The following PLCL1 variants were observed in gnomAD, a reference collection of about 807,000 sequenced individuals.
PLCL1 encodes phospholipase C like 1 (inactive).
PLCL1 carries 41 observed loss-of-function variants against 84.4 expected under a neutral mutation model. The ratio of observed to expected loss-of-function variants is 0.49; its 90% CI spans 0.38 to 0.63. PLCL1 has a LOEUF of 0.63. Among genes scored for constraint, PLCL1 ranks in the 30% least tolerant of loss-of-function variants. The pLI is 0.00. For synonymous variants in PLCL1, 490 were observed against 488.3 expected (o/e 1.00, Z -0.05); for missense variants, 1,206 against 1,367.8 (o/e 0.88, Z 1.87).
rs367585932 is a variant in PLCL1 at position 198,047,062 on chromosome 2, A to G, written c.241-36696A>G. Among the ~76,000 whole-genome samples, 53 of 152,276 alleles carry G rather than the reference A, an allele frequency of 3.5e-4. 1 individual carries two copies. Among genetic ancestry groups the G allele is most frequent in the African/African-American group, 1.2e-3 (50 of 41,566 alleles). On this transcript the variant is annotated intron_variant, in intron 1 of 5. Coordinates refer to ENST00000428675, the MANE Select transcript of PLCL1 (RefSeq NM_006226.4). ...TTATATGGTTGTATCTAGGTTAGCC[A>G]GGGTTCTAAAGGAATCTAGAGCTTT...
At chr2:197,839,972 G>A (rs1352044656) in intron 1 of PLCL1, among the ~76,000 whole-genome samples, 1 of 152,086 alleles carries the variant, frequency 6.6e-6, no homozygotes, top group Non-Finnish European at 1.5e-5. Flanking sequence ...CAGTAACTCT[G>A]GCTCAATTTA....
intron 1 of PLCL1, among the ~76,000 whole-genome samples, chr2:197,900,885 C>T (rs1688251400): frequency 6.6e-6 from 1 of 152,138 alleles, no homozygotes; most frequent in Admixed American, 6.5e-5. Context: ...ATTCCTACCT[C>T]AAGGCTTTCC....
intron 5 of PLCL1, among the ~76,000 whole-genome samples, chr2:198,144,737 C>T (rs1014169371): frequency 2.2e-4 from 34 of 152,322 alleles, no homozygotes; most frequent in Admixed American, 1.6e-3. Flanking sequence ...CTTCCTGATT[C>T]TGGATGCTAT....
intron 1 of PLCL1, among the ~76,000 whole-genome samples, chr2:197,862,263 G>A (rs1687446661): frequency 6.6e-6 from 1 of 152,126 alleles, no homozygotes; most frequent in South Asian, 2.1e-4. Flanking sequence ...GAATTAGTTT[G>A]AAATACTGTT....
intron 1 of PLCL1, among the ~76,000 whole-genome samples, chr2:197,869,569 A>C (rs1471269510): frequency 1.3e-5 from 2 of 152,118 alleles, no homozygotes; most frequent in Non-Finnish European, 2.9e-5. Context: ...GGATCATGTG[A>C]AGGAAGGAAC....
intron 1 of PLCL1, among the ~76,000 whole-genome samples, chr2:197,878,296 T>C (rs1386720121): frequency 6.6e-6 from 1 of 152,126 alleles, no homozygotes; most frequent in South Asian, 2.1e-4. Context: ...CACACTTTGC[T>C]TGTACCACAT....
At chr2:197,960,944 G>A (rs10497809) in intron 1 of PLCL1, among the ~76,000 whole-genome samples, 73,055 of 151,788 alleles carry the variant, frequency 0.48, 17,993 homozygotes, top group Middle Eastern at 0.58. Flanking sequence ...TTGGCAAATA[G>A]TATTCGATTA....
intron 5 of PLCL1, among the ~76,000 whole-genome samples, chr2:198,138,251 A>G (rs868308114): frequency 1.3e-5 from 2 of 152,272 alleles, no homozygotes; most frequent in East Asian, 1.9e-4. Flanking sequence ...GTGAACTTAC[A>G]GTCATGGCAT....
chr2:197,969,458 A>C (rs1014422151), intron 1 of PLCL1, among the ~76,000 whole-genome samples: 1 of 152,224 alleles, frequency 6.6e-6, no homozygotes, highest in Non-Finnish European at 1.5e-5. Context: ...CTGCTTCTCC[A>C]TTGGTGCCAG....
At chr2:197,957,086 A>G (rs563902232) in intron 1 of PLCL1, among the ~76,000 whole-genome samples, 3 of 151,994 alleles carry the variant, frequency 2.0e-5, no homozygotes, top group South Asian at 4.2e-4. Flanking sequence ...TTCTCCTTCT[A>G]TCTTATAATC....
At chr2:198,101,504 G>A (rs1574313043) in intron 4 of PLCL1, 144 bp downstream of exon 4, 2 of 598,548 alleles carry the variant, frequency 3.3e-6, no homozygotes, top group South Asian at 2.1e-5. Flanking sequence ...TATACTTTAA[G>A]TTACACTTTA....
chr2:198,022,612 A>G (rs1691164993), intron 1 of PLCL1, among the ~76,000 whole-genome samples: 1 of 152,160 alleles, frequency 6.6e-6, no homozygotes, highest in Non-Finnish European at 1.5e-5. Flanking sequence ...TAACAGACAA[A>G]CAGAGGGACA....
At chr2:197,844,987 T>C (rs1186645652) in intron 1 of PLCL1, among the ~76,000 whole-genome samples, 4 of 152,130 alleles carry the variant, frequency 2.6e-5, no homozygotes, top group Non-Finnish European at 5.9e-5. Flanking sequence ...ATATTATTTA[T>C]ATATATTAGT....
At chr2:198,122,602 A>C (rs1693894820) in intron 5 of PLCL1, among the ~76,000 whole-genome samples, 1 of 152,116 alleles carries the variant, frequency 6.6e-6, no homozygotes, top group South Asian at 2.1e-4. Flanking sequence ...TCTTGAGATC[A>C]TCATTATTTC....
intron 1 of PLCL1, among the ~76,000 whole-genome samples, chr2:198,028,414 T>C (rs992594613): frequency 2.6e-5 from 4 of 152,174 alleles, no homozygotes; most frequent in Non-Finnish European, 5.9e-5. Flanking sequence ...TGGATATATG[T>C]AAATACTGTA....
intron 1 of PLCL1, among the ~76,000 whole-genome samples, chr2:197,981,633 G>A (rs1204522901): frequency 2.0e-5 from 3 of 152,202 alleles, no homozygotes; most frequent in Admixed American, 6.5e-5. Flanking sequence ...TGATGAGACT[G>A]TGATGGCTAA....
intron 1 of PLCL1, among the ~76,000 whole-genome samples, chr2:197,903,522 C>G (rs537902869): frequency 8.9e-6 from 1 of 112,546 alleles, no homozygotes; most frequent in African/African-American, 3.7e-5. Flanking sequence ...CTCGCTTTGT[C>G]GCCCAGGCTG....
At chr2:198,069,697 T>A (rs1387071449) in intron 1 of PLCL1, among the ~76,000 whole-genome samples, 1 of 152,188 alleles carries the variant, frequency 6.6e-6, no homozygotes, top group Non-Finnish European at 1.5e-5. Context: ...GACAACTATA[T>A]TTTTCCTGAG....
intron 1 of PLCL1, among the ~76,000 whole-genome samples, chr2:198,059,199 G>A (rs1166849133): frequency 2.0e-5 from 3 of 152,116 alleles, no homozygotes; most frequent in Non-Finnish European, 2.9e-5. Context: ...CATAGCCAAC[G>A]CTCCCCTCCA....
Sources: allele counts gnomAD v4.1 joint callset (sites outside exome capture counted in the v4.1 genomes callset), GRCh38; gene constraint gnomAD v4.1.1; transcripts MANE v1.5; gene names NCBI Gene and HGNC (gene_info 2026-07-23, HGNC 2026-07-21).